Variants in TMCO1 observed in about 807,000 individuals in gnomAD.
TMCO1 encodes calcium load-activated calcium channel.
Under a neutral mutation model 29.3 loss-of-function variants are expected in TMCO1, and 29 were observed. The ratio of observed to expected loss-of-function variants is 0.99; its 90% CI spans 0.74 to 1.35. The LOEUF (loss-of-function observed/expected upper bound fraction) is 1.35, where lower values mean the gene tolerates loss of function less well. Ranked by LOEUF, TMCO1 falls within the 40% of genes most tolerant of loss-of-function variation. TMCO1 has a pLI of 0.00. For missense variants in TMCO1, 173 were observed against 225.5 expected (o/e 0.77, Z 1.49); for synonymous variants, 80 against 77.1 (o/e 1.04, Z -0.20).
chr1:165,733,483 C>G (rs1281118365), intron 6 of TMCO1, among the ~76,000 whole-genome samples: 1 of 151,968 alleles, frequency 6.6e-6, no homozygotes, highest in African/African-American at 2.4e-5. Context: ...CGCCTGTAAT[C>G]CTAGCTACTT....
chr1:165,725,132 G>C (rs1452202884), downstream of TMCO1: 1 of 417,214 alleles, frequency 2.4e-6, no homozygotes, highest in Non-Finnish European at 4.6e-6. Flanking sequence ...TAAATTAAAA[G>C]ACTGACTTAA....
chr1:165,757,159 A>G (rs1205364914), intron 3 of TMCO1, among the ~76,000 whole-genome samples: 1 of 152,206 alleles, frequency 6.6e-6, no homozygotes, highest in South Asian at 2.1e-4. Flanking sequence ...TTGAAAACTA[A>G]TAGAAACAGT....
chr1:165,732,839 A>G (rs1651224535), intron 6 of TMCO1, among the ~76,000 whole-genome samples: 1 of 152,254 alleles, frequency 6.6e-6, no homozygotes, highest in African/African-American at 2.4e-5. Flanking sequence ...TAACAGTTGT[A>G]TTAATAATAG....
chr1:165,727,074 C>G lies in TMCO1; in HGVS notation c.*949G>C, dbSNP rs750835389. 2.2e-6 allele frequency: 1 copy of G among 453,968 alleles called. No homozygotes were observed. Among genetic ancestry groups the G allele is most frequent in the South Asian group, 1.6e-5 (1 of 64,462 alleles). 28.1% of individuals were successfully genotyped at this position (453,968 alleles called of 1,614,324 possible). ...AGGACTCCTAATTCCATAGATTATGCGGGGAGGATCATGGTACAAACATCC... is the reference window on the plus strand; with the variant it reads ...AGGACTCCTAATTCCATAGATTATGGGGGGAGGATCATGGTACAAACATCC... On this transcript the variant is annotated 3_prime_UTR_variant, in exon 7 of 7. Coordinates refer to ENST00000367881, the MANE Select transcript of TMCO1 (RefSeq NM_019026.6).
In TMCO1 at chr1:165,768,801, C is replaced by T. The variant is rs765112121; in HGVS notation, c.-50G>A. ...CACCCGCCAGGGGGAAAGCGCTCTA[C>T]AGCCAGGAAAAGTGAAGCGAAAACG... On this transcript the variant is annotated 5_prime_UTR_variant, in exon 1 of 7. Coordinates refer to ENST00000367881, the MANE Select transcript of TMCO1 (RefSeq NM_019026.6). 48 of 1,613,036 alleles carry T rather than the reference C, an allele frequency of 3.0e-5. No homozygotes were observed. In the Middle Eastern group the frequency reaches 6.6e-4, roughly 22 times the overall value.
chr1:165,747,886 T>C (rs2101802870), intron 5 of TMCO1, among the ~76,000 whole-genome samples: 1 of 152,070 alleles, frequency 6.6e-6, no homozygotes, highest in East Asian at 1.9e-4. Context: ...AGGCAGGGCG[T>C]GGTGGCTCAC....
At chr1:165,754,713 C>T (rs1458339672) in intron 3 of TMCO1, 1 of 164,346 alleles carries the variant, frequency 6.1e-6, no homozygotes, top group Non-Finnish European at 1.3e-5. Flanking sequence ...ATAGGATGAA[C>T]TTAAAATTCA....
intron 6 of TMCO1, among the ~76,000 whole-genome samples, chr1:165,728,325 T>C (rs1650987770): frequency 6.6e-6 from 1 of 151,782 alleles, no homozygotes; most frequent in Admixed American, 6.6e-5. Flanking sequence ...GGAGCAATCT[T>C]GGCTCACTGC....
intron 5 of TMCO1, among the ~76,000 whole-genome samples, chr1:165,748,478 G>A (rs1651884559): frequency 3.3e-5 from 5 of 152,190 alleles, no homozygotes; most frequent in Admixed American, 3.3e-4. Flanking sequence ...AACAGGGGCT[G>A]TTAACTGAGA....
rs545432344 is a variant in TMCO1, at chr1:165,729,278, C to T, written c.469-1157G>A. 3.3e-5 allele frequency among the ~76,000 whole-genome samples: 5 copies of T among 151,072 alleles called. No individual in the cohort carries two copies. The South Asian group carries it at 1.0e-3, about 32-fold the overall frequency. ...ATTTTTTAAGAAACTCACTTTTATA[C>T]TTTTATTCAGTTTTTAAAAACATAC... is the stretch of plus-strand genomic sequence containing the variant. On this transcript the variant is annotated intron_variant, in intron 6 of 6. Transcript: ENST00000367881.
chr1:165,749,546 C>T (rs1432574606), intron 5 of TMCO1, among the ~76,000 whole-genome samples: 1 of 152,054 alleles, frequency 6.6e-6, no homozygotes, highest in East Asian at 1.9e-4. Context: ...TGCCTGTAAC[C>T]CCAACACTCT....
intron 6 of TMCO1, among the ~76,000 whole-genome samples, chr1:165,737,155 C>T (rs1651421174): frequency 6.6e-6 from 1 of 152,000 alleles, no homozygotes; most frequent in Non-Finnish European, 1.5e-5. Flanking sequence ...TAAAATATGG[C>T]TCATAATATA....
chr1:165,754,407 G>C lies in TMCO1; in HGVS notation c.209-133C>G, dbSNP rs1163533367. On this transcript the variant is annotated intron_variant, in intron 3 of 6. Transcript: ENST00000367881. ...ATTTAATAAGATGATGAAAACACCT[G>C]GGATAGTATACGTTTTGTACTCAGA... 2.8e-5 allele frequency: 20 copies of C among 703,358 alleles called. No individual in the cohort carries two copies. The Admixed American group carries it at 4.5e-4, about 16-fold the overall frequency. 43.6% of individuals were successfully genotyped at this position (703,358 alleles called of 1,614,324 possible). A position where few individuals can be genotyped will look rare whatever the true frequency, so the allele number is the denominator to read the frequency against.
At chr1:165,735,395 AAGCTACTGGAAAACCAC>A (rs1651327754) in intron 6 of TMCO1, among the ~76,000 whole-genome samples, 1 of 152,224 alleles carries the variant, frequency 6.6e-6, no homozygotes, top group Non-Finnish European at 1.5e-5. Context: ...AAGAATCAAA[AAGCTACTGGAAAACCAC>A]AGCTACTGGA....
chr1:165,744,988 C>A (rs1209814181), intron 5 of TMCO1, among the ~76,000 whole-genome samples: 15 of 151,712 alleles, frequency 9.9e-5, no homozygotes, highest in Non-Finnish European at 1.9e-4. Flanking sequence ...AAAGCATCTG[C>A]CAGCTGTTAA....
At chr1:165,724,736 CA>C, downstream of TMCO1, 1 of 453,096 alleles carries the variant, frequency 2.2e-6, no homozygotes, top group Non-Finnish European at 4.4e-6. Flanking sequence ...CAAAAAACTG[CA>C]AAAATTTTTG....
chr1:165,727,715 A>T lies in TMCO1; in HGVS notation c.*308T>A. On this transcript the variant is annotated 3_prime_UTR_variant, in exon 7 of 7. Coordinates refer to ENST00000367881, the MANE Select transcript of TMCO1 (RefSeq NM_019026.6). The stretch of plus-strand genomic sequence containing the variant: ...TGCAGGGCATACACAGTGCCTTGAG[A>T]GTCGGTCCCACAGAAAATACTTATG... 1 of 455,686 alleles carries T rather than the reference A, an allele frequency of 2.2e-6. No individual in the cohort carries two copies. The highest frequency in any genetic ancestry group is 4.4e-6 in the Non-Finnish European group (1 of 227,894). The allele number at this position is 455,686 out of a possible 1,614,324, so 28.2% of individuals were successfully genotyped here. A position where few individuals can be genotyped will look rare whatever the true frequency, so the allele number is the denominator to read the frequency against.
intron 6 of TMCO1, among the ~76,000 whole-genome samples, chr1:165,742,642 G>C (rs1651639907): frequency 6.6e-6 from 1 of 151,972 alleles, no homozygotes; most frequent in African/African-American, 2.4e-5. Flanking sequence ...CCCACTAATC[G>C]AATGTTATAG....
At chr1:165,733,511 G>A (rs1651248846) in intron 6 of TMCO1, among the ~76,000 whole-genome samples, 1 of 151,898 alleles carries the variant, frequency 6.6e-6, no homozygotes, top group African/African-American at 2.4e-5. Context: ...TGAGGCAGGA[G>A]AATCATTTGA....
Sources: allele counts gnomAD v4.1 joint callset (sites outside exome capture counted in the v4.1 genomes callset), GRCh38; gene constraint gnomAD v4.1.1; transcripts MANE v1.5; gene names NCBI Gene and HGNC (gene_info 2026-07-23, HGNC 2026-07-21).